The following SPTBN1 variants were observed in gnomAD, a reference collection of about 807,000 sequenced individuals.
SPTBN1 encodes the protein spectrin beta, non-erythrocytic 1.
A neutral mutation model predicts 266.4 loss-of-function variants in SPTBN1; 32 were observed. That is an observed-to-expected ratio of 0.12 (90% confidence interval 0.09 to 0.16). The LOEUF is 0.16. Among genes scored for constraint, SPTBN1 ranks in the 10% least tolerant of loss-of-function variants. The pLI is 1.00. For synonymous variants in SPTBN1, 1,336 were observed against 1,162.2 expected, an observed-to-expected ratio of 1.15 and a Z score of -3.04; for missense variants, 2,296 against 3,067.1, an observed-to-expected ratio of 0.75 and a Z score of 5.94.
rs1681337491 is a variant in SPTBN1, at chr2:54,665,901, T to C, written c.6660-14T>C. On this transcript the variant is annotated splice_polypyrimidine_tract_variant and intron_variant, in intron 33 of 35. Coordinates refer to ENST00000356805, the MANE Select transcript of SPTBN1 (RefSeq NM_003128.3). ...GCCTTTATCTCCCCCTGCCCTTTTT[T>C]TTAAACTGCACAGGTCCTGGCACAA... 5 of 1,599,054 alleles carry C rather than the reference T, an allele frequency of 3.1e-6. No individual in the cohort carries two copies. The highest frequency in any genetic ancestry group is 4.3e-6 in the Non-Finnish European group (5 of 1,174,778).
rs1573358331 is a variant in SPTBN1 at position 54,533,367 on chromosome 2, TG to T, written c.148+6802del. 6.9e-6 allele frequency among the ~76,000 whole-genome samples: 1 copy of T among 144,812 alleles called. No homozygotes were observed. The highest frequency in any genetic ancestry group is 1.9e-4 in the East Asian group (1 of 5,164). ...GGGGACTAGTGTGTGTGTGTGTGTGTGTGTGTGTGTGTGTGTGTGTGTGTGT... is the reference window on the plus strand; with the variant it reads ...GGGGACTAGTGTGTGTGTGTGTGTGTTGTGTGTGTGTGTGTGTGTGTGTGT... On this transcript the variant is annotated intron_variant, in intron 2 of 35. Coordinates refer to ENST00000356805, the MANE Select transcript of SPTBN1 (RefSeq NM_003128.3). The surrounding 1 kb of genome is among the most constrained non-coding windows in gnomAD (Gnocchi z 4.2).
intron 2 of SPTBN1, chr2:54,557,721 C>T: frequency 2.0e-6 from 2 of 985,408 alleles, no homozygotes; most frequent in Non-Finnish European, 2.4e-6. Flanking sequence ...ATAAATCTTC[C>T]TTGCGTCGAA....
intron 3 of SPTBN1, among the ~76,000 whole-genome samples, chr2:54,609,706 T>G (rs1340565882): frequency 6.6e-6 from 1 of 152,072 alleles, no homozygotes; most frequent in East Asian, 1.9e-4. Flanking sequence ...GGGTTCTGGG[T>G]GGGGGCATTA....
intron 1 of SPTBN1, among the ~76,000 whole-genome samples, chr2:54,469,821 C>T (rs1049834313): frequency 6.6e-6 from 1 of 152,184 alleles, no homozygotes; most frequent in Non-Finnish European, 1.5e-5. Context: ...TGGTCCTTCT[C>T]ACAGCAAGAT....
intron 1 of SPTBN1, among the ~76,000 whole-genome samples, chr2:54,476,619 C>T (rs1390316080): frequency 6.6e-6 from 1 of 152,154 alleles, no homozygotes; most frequent in Non-Finnish European, 1.5e-5. Context: ...GAATTATTTT[C>T]TTACTTTTCA....
intron 3 of SPTBN1, among the ~76,000 whole-genome samples, chr2:54,601,302 A>G (rs780968777): frequency 2.0e-5 from 3 of 152,224 alleles, no homozygotes; most frequent in Admixed American, 6.5e-5. Context: ...TAAAGATACC[A>G]TAGATAGAGT....
intron 1 of SPTBN1, among the ~76,000 whole-genome samples, chr2:54,518,307 G>A (rs1670230226): frequency 6.6e-6 from 1 of 152,058 alleles, no homozygotes; most frequent in African/African-American, 2.4e-5. Context: ...CCTGTCATGG[G>A]GTGGGGAGAT....
Position 54,666,392 on chromosome 2 carries a change from A to T in SPTBN1, c.6833+304A>T, listed in dbSNP as rs558603643. Among the ~76,000 whole-genome samples the T allele has an allele frequency of 5.3e-5, 8 of 152,338 alleles. No individual in the cohort carries two copies. The South Asian group carries it at 1.4e-3, about 28-fold the overall frequency. ...ACTTAAAGAGAGCTAGTCACATTTCACAGTTTAAGGGAGGCTTTGAAAAAT... is the reference window on the plus strand; with the variant it reads ...ACTTAAAGAGAGCTAGTCACATTTCTCAGTTTAAGGGAGGCTTTGAAAAAT... On this transcript the variant is annotated intron_variant, in intron 34 of 35. Coordinates refer to ENST00000356805, the MANE Select transcript of SPTBN1 (RefSeq NM_003128.3).
intron 2 of SPTBN1, among the ~76,000 whole-genome samples, chr2:54,589,467 G>A (rs1675522561): frequency 6.6e-6 from 1 of 152,222 alleles, no homozygotes. Flanking sequence ...CAACCTGTAG[G>A]TGCCAGGTCA....
At chr2:54,482,577 G>A (rs1668154997) in intron 1 of SPTBN1, among the ~76,000 whole-genome samples, 1 of 152,160 alleles carries the variant, frequency 6.6e-6, no homozygotes, top group Non-Finnish European at 1.5e-5. Flanking sequence ...AGGGAGCCAT[G>A]AGCACCAGGA....
intron 1 of SPTBN1, among the ~76,000 whole-genome samples, chr2:54,466,045 C>A (rs1378948754): frequency 6.6e-6 from 1 of 152,128 alleles, no homozygotes; most frequent in Non-Finnish European, 1.5e-5. Flanking sequence ...TTAAAACTGA[C>A]CCTTGTTTAT....
In SPTBN1 at chr2:54,599,234, A is replaced by G. The variant is rs748995340; in HGVS notation, c.291A>G (p.Gly97=). The change falls in exon 3 of 36, where the codon GGA becomes GGG. Residue 97 remains glycine, a synonymous_variant. Transcript: ENST00000356805. The stretch of plus-strand genomic sequence containing the variant: ...TCAAGCTGCTGGAGGTCCTCTCTGG[A>G]GAGAGGCTGGTGAGTGGAGACCTTA... The part of the protein sequence containing the change: ...MLIKLLEVLS[G]ERLPKPTKGR... 3.7e-6 allele frequency: 6 copies of G among 1,613,960 alleles called. No individual in the cohort carries two copies. Among genetic ancestry groups the G allele is most frequent in the African/African-American group, 2.7e-5 (2 of 74,882 alleles).
intron 19 of SPTBN1, among the ~76,000 whole-genome samples, chr2:54,643,402 G>T (rs557795057): frequency 2.8e-4 from 43 of 152,324 alleles, no homozygotes; most frequent in Admixed American, 1.2e-3. Flanking sequence ...CTCATCTGCT[G>T]TTGCTGATGG....
chr2:54,505,936 A>G (rs1397384527), intron 1 of SPTBN1, among the ~76,000 whole-genome samples: 1 of 151,964 alleles, frequency 6.6e-6, no homozygotes, highest in Non-Finnish European at 1.5e-5. Context: ...CATCCTGGCT[A>G]ACACGGTGAA....
intron 2 of SPTBN1, among the ~76,000 whole-genome samples, chr2:54,595,466 C>T (rs369600140): frequency 2.0e-5 from 3 of 152,186 alleles, no homozygotes; most frequent in Admixed American, 2.0e-4. Context: ...TTGATAACAG[C>T]GATACAAGGC....
chr2:54,614,941 G>C (rs1278990995), intron 4 of SPTBN1, among the ~76,000 whole-genome samples: 2 of 152,122 alleles, frequency 1.3e-5, no homozygotes, highest in African/African-American at 4.8e-5. Context: ...CCTTCACACA[G>C]AAGTATAAGA....
chr2:54,656,976 T>A (rs1181712372), intron 29 of SPTBN1, among the ~76,000 whole-genome samples: 4 of 152,222 alleles, frequency 2.6e-5, no homozygotes. Context: ...TGTAGTCATG[T>A]TGGGGGCTAC....
In SPTBN1 at chr2:54,655,838, C is replaced by G. The variant is rs148088053; in HGVS notation, c.5962-76C>G. Reference sequence around the variant, plus strand: ...TGGTCTTTGCAGAAAATGTATTTTTCTAGTATAAAATGACCCCATCAAGAG... The same window carrying G: ...TGGTCTTTGCAGAAAATGTATTTTTGTAGTATAAAATGACCCCATCAAGAG... On this transcript the variant is annotated intron_variant, in intron 28 of 35. Transcript: ENST00000356805. The G allele has an allele frequency of 1.6e-4, 172 of 1,098,414 alleles. 1 individual carries two copies. The African/African-American group carries it at 2.1e-3, about 14-fold the overall frequency. The allele number at this position is 1,098,414 out of a possible 1,614,324, so 68.0% of individuals were successfully genotyped here. A position where few individuals can be genotyped will look rare whatever the true frequency, so the allele number is the denominator to read the frequency against.
chr2:54,485,556 A>C (rs1668318521), intron 1 of SPTBN1, among the ~76,000 whole-genome samples: 2 of 152,092 alleles, frequency 1.3e-5, no homozygotes, highest in South Asian at 4.1e-4. Flanking sequence ...TCCACCTCCC[A>C]GCCGCCTGCC....
Sources: gnomAD v4.1 joint callset for allele counts (sites outside exome capture counted in the v4.1 genomes callset) on GRCh38, gnomAD v4.1.1 for gene constraint, Gnocchi (gnomAD v3.1) non-coding constraint, MANE v1.5 for transcripts, NCBI Gene and HGNC (gene_info 2026-07-23, HGNC 2026-07-21) for gene names.